Variants in KIAA1671 observed in about 807,000 individuals in gnomAD.
KIAA1671 encodes the protein uncharacterized protein KIAA1671.
A neutral mutation model predicts 131.2 loss-of-function variants in KIAA1671; 52 were observed. The observed-to-expected ratio is 0.40, with a 90% CI of 0.32 to 0.50. The LOEUF (loss-of-function observed/expected upper bound fraction) is 0.50, where lower values mean the gene tolerates loss of function less well. Among genes scored for constraint, KIAA1671 ranks in the 20% least tolerant of loss-of-function variants. KIAA1671 has a pLI of 0.73. For missense variants in KIAA1671, 2,360 were observed against 2,364.2 expected (o/e 1.00, Z 0.04); for synonymous variants, 1,003 against 961.6 (o/e 1.04, Z -0.80).
intron 6 of KIAA1671, among the ~76,000 whole-genome samples, chr22:25,076,675 G>T (rs1003159445): frequency 6.6e-6 from 1 of 152,222 alleles, no homozygotes; most frequent in African/African-American, 2.4e-5. Context: ...CTCGCCAGAC[G>T]GTCCCAAGGC....
intron 2 of KIAA1671, among the ~76,000 whole-genome samples, chr22:25,027,091 T>C (rs1284498202): frequency 6.6e-6 from 1 of 152,204 alleles, no homozygotes; most frequent in Non-Finnish European, 1.5e-5. Flanking sequence ...GACCTCACTG[T>C]TGGGCGTTTC....
chr22:25,177,275 C>T lies in KIAA1671; in HGVS notation c.4900-73C>T, dbSNP rs143800239. ...CATCTGTCAACGAAGCTGTGTACCG[C>T]CAACTGTGTTGTGGTACCCTCCATT... is the stretch of plus-strand genomic sequence containing the variant. On this transcript the variant is annotated intron_variant, in intron 8 of 12. Transcript: ENST00000358431. 1,455 of 1,409,002 alleles carry T rather than the reference C, an allele frequency of 1.0e-3. 17 individuals carry two copies. In the African/African-American group the frequency reaches 0.018, roughly 18 times the overall value. 87.3% of individuals were successfully genotyped at this position (1,409,002 alleles called of 1,614,324 possible).
chr22:25,088,205 T>C (rs1231895985), intron 6 of KIAA1671, among the ~76,000 whole-genome samples: 2 of 151,950 alleles, frequency 1.3e-5, no homozygotes, highest in Non-Finnish European at 2.9e-5. Flanking sequence ...CCTCTGAGGT[T>C]CAAGCGATCC....
chr22:24,982,564 TG>T (rs1023694662), intron 1 of KIAA1671, among the ~76,000 whole-genome samples: 2 of 152,166 alleles, frequency 1.3e-5, no homozygotes, highest in African/African-American at 4.8e-5. Context: ...TGGGTCTGCA[TG>T]GGTGAGGGCC....
At chr22:25,075,427 T>G (rs994242086) in intron 6 of KIAA1671, among the ~76,000 whole-genome samples, 11 of 152,210 alleles carry the variant, frequency 7.2e-5, no homozygotes, top group African/African-American at 2.7e-4. Flanking sequence ...GGTCCCACAT[T>G]GTATTTTTTC....
At chr22:24,956,365 C>G (rs997881127) in intron 1 of KIAA1671, among the ~76,000 whole-genome samples, 5 of 152,200 alleles carry the variant, frequency 3.3e-5, no homozygotes, top group Admixed American at 6.5e-5. Flanking sequence ...ACATTATTCC[C>G]ATTTCACTGA....
intron 6 of KIAA1671, among the ~76,000 whole-genome samples, chr22:25,125,543 G>T (rs1468376973): frequency 6.6e-6 from 1 of 152,150 alleles, no homozygotes; most frequent in Non-Finnish European, 1.5e-5. Context: ...AGGTACCATG[G>T]TGTAGAACTG....
At chr22:25,190,010 T>G (rs1473767345) in intron 11 of KIAA1671, among the ~76,000 whole-genome samples, 1 of 152,208 alleles carries the variant, frequency 6.6e-6, no homozygotes, top group African/African-American at 2.4e-5. Flanking sequence ...ACCAGTTTTG[T>G]GAAAGACAAT....
intron 6 of KIAA1671, among the ~76,000 whole-genome samples, chr22:25,151,429 CTT>C (rs67444002): frequency 0.04 from 4,201 of 104,782 alleles, 58 homozygotes; most frequent in African/African-American, 0.094. Context: ...AACATGAACT[CTT>C]TTTTTTTTTT....
intron 6 of KIAA1671, among the ~76,000 whole-genome samples, chr22:25,130,361 G>C (rs1228486681): frequency 1.3e-5 from 2 of 152,090 alleles, no homozygotes; most frequent in Non-Finnish European, 2.9e-5. Context: ...GCTCTCAATA[G>C]ACATTTCTTG....
At chr22:25,185,430 G>A (rs951426522) in intron 11 of KIAA1671, 8 of 295,198 alleles carry the variant, frequency 2.7e-5, no homozygotes, top group African/African-American at 1.5e-4. Context: ...TCTCCAGACC[G>A]ATGGGGAAAC....
Position 25,174,302 on chromosome 22 carries a change from G to A in KIAA1671, c.4712G>A (p.Arg1571His), listed in dbSNP as rs931552277. The change falls in exon 8 of 13, where the codon CGT becomes CAT. Residue 1571 changes from arginine (R) to histidine (H), a missense_variant. Arg to His is a conservative substitution (Grantham distance 29). Transcript: ENST00000358431. The part of the protein sequence containing the change: ...TSTRKQPPSS[R>H]LSSLSSQTEP... Reference sequence around the variant, plus strand: ...ACAAGGAAACAGCCCCCCAGCAGCCGTTTGTCTTCTCTGTCCTCCCAAACG... The same window carrying A: ...ACAAGGAAACAGCCCCCCAGCAGCCATTTGTCTTCTCTGTCCTCCCAAACG... 7.1e-6 allele frequency: 11 copies of A among 1,551,662 alleles called. No individual in the cohort carries two copies. Among genetic ancestry groups the A allele is most frequent in the African/African-American group, 2.7e-5 (2 of 73,006 alleles).
At chr22:25,153,369 G>GTGC (rs1288729556) in intron 6 of KIAA1671, among the ~76,000 whole-genome samples, 2 of 152,174 alleles carry the variant, frequency 1.3e-5, no homozygotes, top group Admixed American at 6.5e-5. Context: ...ATGGAATGGG[G>GTGC]TGCTACTGAC....
intron 6 of KIAA1671, among the ~76,000 whole-genome samples, chr22:25,067,086 C>T (rs1258327311): frequency 1.3e-5 from 2 of 152,138 alleles, no homozygotes; most frequent in South Asian, 2.1e-4. Context: ...GCAGGATAAC[C>T]AGGACTGGGC....
At chr22:25,181,642 T>G (rs1934279301) in intron 9 of KIAA1671, 57 bp from the exon 10 acceptor site, 1 of 1,546,312 alleles carries the variant, frequency 6.5e-7, no homozygotes, top group South Asian at 1.2e-5. Flanking sequence ...ATCTGGCATG[T>G]AGGACCTCAA....
intron 6 of KIAA1671, among the ~76,000 whole-genome samples, chr22:25,115,704 A>G (rs1931617146): frequency 6.6e-6 from 1 of 152,348 alleles, no homozygotes; most frequent in South Asian, 2.1e-4. Flanking sequence ...GCAGGGCTCC[A>G]TGCTAAGCAT....
At chr22:25,059,957 G>T (rs1928069756) in intron 6 of KIAA1671, 1 of 152,178 alleles carries the variant, frequency 6.6e-6, no homozygotes, top group South Asian at 2.1e-4. Flanking sequence ...CAGGCCTCCT[G>T]CAAGGCACCC....
Position 24,969,759 on chromosome 22 carries a change from C to T in KIAA1671, c.-208+16987C>T, listed in dbSNP as rs74667322. On this transcript the variant is annotated intron_variant, in intron 1 of 12. Transcript: ENST00000358431. Reference sequence around the variant, plus strand: ...CTTTATACTGAGGCGGCTTATATTCCACCCTGGCTCTGTAACCGCTTGGCT... The same window carrying T: ...CTTTATACTGAGGCGGCTTATATTCTACCCTGGCTCTGTAACCGCTTGGCT... Among the ~76,000 whole-genome samples, 1,421 of 152,304 alleles carry T rather than the reference C, an allele frequency of 9.3e-3. 18 individuals are homozygous for T. The highest frequency in any genetic ancestry group is 0.032 in the African/African-American group (1,315 of 41,562).
intron 6 of KIAA1671, among the ~76,000 whole-genome samples, chr22:25,074,136 C>T (rs1035386623): frequency 2.0e-5 from 3 of 151,922 alleles, no homozygotes; most frequent in Non-Finnish European, 4.4e-5. Context: ...CGATCTTCTA[C>T]TTTTTAAAGG....
Sources: gnomAD v4.1 joint callset for allele counts (sites outside exome capture counted in the v4.1 genomes callset) on GRCh38, gnomAD v4.1.1 for gene constraint, MANE v1.5 for transcripts, NCBI Gene and HGNC (gene_info 2026-07-23, HGNC 2026-07-21) for gene names.